The following COL5A1 variants were observed in gnomAD, a reference collection of about 807,000 sequenced individuals.
The protein encoded by COL5A1 is collagen alpha-1(V) chain.
A neutral mutation model predicts 263.7 loss-of-function variants in COL5A1; 16 were observed. The observed-to-expected ratio is 0.06, with a 90% confidence interval of 0.04 to 0.09. COL5A1 has a LOEUF of 0.09. Ranked by LOEUF, COL5A1 falls within the 10% of genes least tolerant of loss-of-function variation. The pLI is 1.00. For synonymous variants in COL5A1, 1,012 were observed against 1,004.5 expected, an observed-to-expected ratio of 1.01 and a Z score of -0.14; for missense variants, 2,036 against 2,540.5, an observed-to-expected ratio of 0.80 and a Z score of 4.27.
At chr9:134,753,595 G>C (rs1835867291) in intron 14 of COL5A1, among the ~76,000 whole-genome samples, 2 of 152,228 alleles carry the variant, frequency 1.3e-5, no homozygotes, top group African/African-American at 4.8e-5. Flanking sequence ...GAGCTTTGTG[G>C]TGTTTGCGAG....
At chr9:134,717,444 C>T (rs933354561) in intron 4 of COL5A1, among the ~76,000 whole-genome samples, 6 of 152,180 alleles carry the variant, frequency 3.9e-5, no homozygotes, top group African/African-American at 9.7e-5. Flanking sequence ...ACGTGGTTTG[C>T]GAACACACCT....
chr9:134,752,535 A>G (rs1007403247), intron 13 of COL5A1, 54 bp from the exon 14 acceptor site: 22 of 1,401,982 alleles, frequency 1.6e-5, no homozygotes, highest in Non-Finnish European at 2.0e-5. Flanking sequence ...GCGCCAGCAA[A>G]CCGGAGCACT....
At position 134,652,291 on chromosome 9, in the gene COL5A1, G is replaced by C. The variant is rs974052208; in HGVS notation, c.109+9995G>C. On this transcript the variant is annotated intron_variant, in intron 1 of 65. Transcript: ENST00000371817. The surrounding 1 kb of genome is among the most constrained non-coding windows in gnomAD (Gnocchi z 4.4). Reference sequence around the variant, plus strand: ...AGAACACACAGGGCGTCCTTGGGCCGGTGTGGCGGTAACAGTGAGCTGGTG... The same window carrying C: ...AGAACACACAGGGCGTCCTTGGGCCCGTGTGGCGGTAACAGTGAGCTGGTG... Among the ~76,000 whole-genome samples, 1 of 152,182 alleles carries C rather than the reference G, an allele frequency of 6.6e-6. No homozygotes were observed. The highest frequency in any genetic ancestry group is 2.1e-4 in the South Asian group (1 of 4,818).
At chr9:134,721,334 C>T (rs1193216121) in intron 4 of COL5A1, among the ~76,000 whole-genome samples, 1 of 151,342 alleles carries the variant, frequency 6.6e-6, no homozygotes, top group African/African-American at 2.4e-5. Context: ...CCTGTAACCT[C>T]CCCATAGTAC....
At position 134,791,719 on chromosome 9, in the gene COL5A1, C is replaced by T. The variant is rs141536230; in HGVS notation, c.2700+2511C>T. Among the ~76,000 whole-genome samples the T allele has an allele frequency of 9.0e-5, 13 of 144,392 alleles. No homozygotes were observed. In the East Asian group the frequency reaches 1.2e-3, roughly 13 times the overall value. 94.7% of individuals were successfully genotyped at this position (144,392 alleles called of 152,430 possible). A position where few individuals can be genotyped will look rare whatever the true frequency, so the allele number is the denominator to read the frequency against. On this transcript the variant is annotated intron_variant, in intron 32 of 65. Transcript: ENST00000371817. ...TGAACAGATGCTGCCTCCCAGGTTT[C>T]GCCCTTGGCCGCCCTTCTTTTGCCT...
chr9:134,747,605 GCA>G lies in COL5A1; in HGVS notation c.1495-2934_1495-2933del, dbSNP rs1232632247. Reference sequence around the variant, plus strand: ...CATTCATACACACATGCATTCACACGCACATTCACACACATGCAGATACATGC... The same window carrying G: ...CATTCATACACACATGCATTCACACGCATTCACACACATGCAGATACATGC... On this transcript the variant is annotated intron_variant, in intron 11 of 65. Transcript: ENST00000371817. Among the ~76,000 whole-genome samples, 5 of 148,304 alleles carry G rather than the reference GCA, an allele frequency of 3.4e-5. No individual in the cohort carries two copies. In the South Asian group the frequency reaches 8.7e-4, roughly 26 times the overall value.
chr9:134,653,356 GGTC>G (rs1198312952), intron 1 of COL5A1: 1 of 152,450 alleles, frequency 6.6e-6, no homozygotes, highest in Non-Finnish European at 1.5e-5. Flanking sequence ...GCGCAGCAAA[GGTC>G]GTGTTCTGCC....
chr9:134,735,768 A>C (rs1835074166), intron 9 of COL5A1, among the ~76,000 whole-genome samples: 1 of 152,232 alleles, frequency 6.6e-6, no homozygotes, highest in African/African-American at 2.4e-5. Context: ...GAAATTGGAA[A>C]ACTGGCATCT....
chr9:134,806,373 C>T, intron 42 of COL5A1, 77 bp downstream of exon 42: 2 of 1,023,008 alleles, frequency 2.0e-6, no homozygotes, highest in Non-Finnish European at 2.9e-6. Context: ...TTGTCCCTCC[C>T]CCTGTGATGT....
intron 11 of COL5A1, among the ~76,000 whole-genome samples, chr9:134,748,452 C>T (rs1035989978): frequency 1.3e-5 from 2 of 152,218 alleles, no homozygotes; most frequent in Non-Finnish European, 2.9e-5. Context: ...GCACAGACAG[C>T]AGCTTGTCCT....
chr9:134,795,164 C>T (rs375419534), intron 33 of COL5A1, 38 bp downstream of exon 33: 198 of 1,613,818 alleles, frequency 1.2e-4, no homozygotes, highest in Admixed American at 3.3e-4. Flanking sequence ...GTTTGGGAAA[C>T]GGGAGCATGG....
chr9:134,823,241 T>G (rs1291947026), intron 60 of COL5A1, among the ~76,000 whole-genome samples, 175 bp from the exon 61 acceptor site: 3 of 152,210 alleles, frequency 2.0e-5, no homozygotes, highest in Non-Finnish European at 2.9e-5. Flanking sequence ...TCCCTCTCTG[T>G]TCTCATCTCA....
intron 4 of COL5A1, among the ~76,000 whole-genome samples, chr9:134,717,338 C>G (rs763186788): frequency 6.6e-6 from 1 of 152,224 alleles, no homozygotes; most frequent in Non-Finnish European, 1.5e-5. Flanking sequence ...TTCTTAGCTC[C>G]TGTTTGCAGA....
At position 134,757,309 on chromosome 9, in the gene COL5A1, G is replaced by C. The variant is rs747157032; in HGVS notation, c.1881+491G>C. 6.6e-6 allele frequency among the ~76,000 whole-genome samples: 1 copy of C among 152,198 alleles called. No individual in the cohort carries two copies. The highest frequency in any genetic ancestry group is 1.5e-5 in the Non-Finnish European group (1 of 68,034). On this transcript the variant is annotated intron_variant, in intron 17 of 65. Coordinates refer to ENST00000371817, the MANE Select transcript of COL5A1 (RefSeq NM_000093.5). This position sits in a 1 kb window ranked among gnomAD's most constrained non-coding sequence, Gnocchi z 6.2. Reference sequence around the variant, plus strand: ...TCATGCCTGCCCGCTGCTGTGCTCAGTGTATCCACCCCTCTGCCCCAGCAC... The same window carrying C: ...TCATGCCTGCCCGCTGCTGTGCTCACTGTATCCACCCCTCTGCCCCAGCAC...
chr9:134,710,191 C>T (rs1022854669), intron 4 of COL5A1, among the ~76,000 whole-genome samples: 2 of 152,220 alleles, frequency 1.3e-5, no homozygotes, highest in Admixed American at 6.5e-5. Context: ...GAGGCAAAGC[C>T]GGTGCGGCCC....
chr9:134,670,259 C>G (rs1303904993), intron 1 of COL5A1, among the ~76,000 whole-genome samples: 2 of 152,228 alleles, frequency 1.3e-5, no homozygotes, highest in African/African-American at 4.8e-5. Flanking sequence ...TAAATCCTTT[C>G]TGTCTCTCTG....
intron 64 of COL5A1, chr9:134,830,493 A>C (rs1275323483): frequency 2.1e-6 from 1 of 481,782 alleles, no homozygotes; most frequent in African/African-American, 1.9e-5. Flanking sequence ...CTGAGCACTG[A>C]GGTCAGACGC....
At chr9:134,664,851 C>T (rs896838003) in intron 1 of COL5A1, among the ~76,000 whole-genome samples, 1 of 152,168 alleles carries the variant, frequency 6.6e-6, no homozygotes, top group African/African-American at 2.4e-5. Context: ...CAACTGAGCC[C>T]AGGAGTTCGA....
rs751342968 is a variant in COL5A1, at chr9:134,812,607, C to G, written c.3747C>G (p.Gly1249=). 1.9e-6 allele frequency: 3 copies of G among 1,601,628 alleles called. No individual in the cohort carries two copies. The highest frequency in any genetic ancestry group is 2.2e-5 in the East Asian group (1 of 44,652). Residue 1249 remains glycine, a splice_region_variant and synonymous_variant, in exon 48 of 66, where the codon GGC becomes GGG. Transcript: ENST00000371817. ...KGETGDVGQM[G]PPGPPGPRGP... ...CAGTGGTCTCTCCCTTTTCCTAGGG[C>G]CCCCCGGGTCCCCCTGGCCCCCGAG...
Sources: gnomAD v4.1 joint callset for allele counts (sites outside exome capture counted in the v4.1 genomes callset) on GRCh38, gnomAD v4.1.1 for gene constraint, Gnocchi (gnomAD v3.1) non-coding constraint, MANE v1.5 for transcripts, NCBI Gene and HGNC (gene_info 2026-07-23, HGNC 2026-07-21) for gene names.